The following TSHZ1 variants were observed in gnomAD, a reference collection of about 807,000 sequenced individuals.
TSHZ1 encodes teashirt homolog 1.
In TSHZ1, 12 loss-of-function variants were observed where a neutral mutation model predicts 67.1. The ratio of observed to expected loss-of-function variants is 0.18; its 90% CI spans 0.11 to 0.29. The LOEUF is 0.29. Among genes scored for constraint, TSHZ1 ranks in the 10% least tolerant of loss-of-function variants. The pLI, the probability that TSHZ1 is intolerant of heterozygous loss-of-function variation, is 1.00. For synonymous variants in TSHZ1, 632 were observed against 622.4 expected, an observed-to-expected ratio of 1.02 and a Z score of -0.23; for missense variants, 1,305 against 1,413.9, an observed-to-expected ratio of 0.92 and a Z score of 1.23.
chr18:75,280,461 T>G (rs948609816), intron 1 of TSHZ1, among the ~76,000 whole-genome samples: 1 of 152,260 alleles, frequency 6.6e-6, no homozygotes, highest in African/African-American at 2.4e-5. Context: ...TGGTCATTCA[T>G]TCATTCAAAA....
chr18:75,250,514 G>A (rs1033316697), intron 1 of TSHZ1, among the ~76,000 whole-genome samples: 22 of 152,204 alleles, frequency 1.4e-4, no homozygotes, highest in East Asian at 5.8e-4. Context: ...GGGGCGGTGC[G>A]GGCTGGCCCA....
At chr18:75,242,708 G>T (rs1215104324) in intron 1 of TSHZ1, among the ~76,000 whole-genome samples, 1 of 152,236 alleles carries the variant, frequency 6.6e-6, no homozygotes, top group African/African-American at 2.4e-5. Context: ...TAATGACAGA[G>T]ATGTGGGCAG....
rs1273373250 is a variant in TSHZ1, at chr18:75,228,878, G to A, written c.40+16962G>A. Among the ~76,000 whole-genome samples the A allele has an allele frequency of 2.0e-5, 3 of 152,344 alleles. No individual in the cohort carries two copies. In the South Asian group the frequency reaches 6.2e-4, roughly 32 times the overall value. Reference sequence around the variant, plus strand: ...ATTCACTCAGACACCAGGGAACAAGGGGCATCCCACTTTATTTCTAACGAG... The same window carrying A: ...ATTCACTCAGACACCAGGGAACAAGAGGCATCCCACTTTATTTCTAACGAG... On this transcript the variant is annotated intron_variant, in intron 1 of 1. Coordinates refer to ENST00000580243, the MANE Select transcript of TSHZ1 (RefSeq NM_001308210.2).
chr18:75,265,814 C>G (rs1017939809), intron 1 of TSHZ1, among the ~76,000 whole-genome samples: 1 of 152,142 alleles, frequency 6.6e-6, no homozygotes, highest in Admixed American at 6.6e-5. Context: ...TATTTCCCCC[C>G]CTTACTCGAA....
At chr18:75,236,472 G>C (rs1189156545) in intron 1 of TSHZ1, among the ~76,000 whole-genome samples, 2 of 152,154 alleles carry the variant, frequency 1.3e-5, no homozygotes, top group Non-Finnish European at 2.9e-5. Flanking sequence ...ACACGTTTAA[G>C]GGATGGCGTT....
chr18:75,243,022 C>T lies in TSHZ1; in HGVS notation c.40+31106C>T, dbSNP rs547254887. Among the ~76,000 whole-genome samples the T allele has an allele frequency of 2.6e-4, 40 of 152,208 alleles. No individual in the cohort carries two copies. In the South Asian group the frequency reaches 6.9e-3, roughly 26 times the overall value. On this transcript the variant is annotated intron_variant, in intron 1 of 1. Transcript: ENST00000580243. ...GCTGTGGTCATGCAGGAGAACAGCC[C>T]GGGGGATGGGGCCGGTGAGGTCTGG...
chr18:75,273,824 G>T (rs990273333), intron 1 of TSHZ1, among the ~76,000 whole-genome samples: 1 of 152,210 alleles, frequency 6.6e-6, no homozygotes, highest in Non-Finnish European at 1.5e-5. Flanking sequence ...ATTAAAGAAT[G>T]AAGTCTAACC....
At chr18:75,252,269 A>G (rs1274089623) in intron 1 of TSHZ1, among the ~76,000 whole-genome samples, 1 of 152,222 alleles carries the variant, frequency 6.6e-6, no homozygotes, top group Non-Finnish European at 1.5e-5. Context: ...TCTTGGCCAT[A>G]GTCTCATCAT....
chr18:75,287,383 C>G lies in TSHZ1; in HGVS notation c.1976C>G (p.Pro659Arg). 2 of 1,614,076 alleles carry G rather than the reference C, an allele frequency of 1.2e-6. No individual in the cohort carries two copies. Among genetic ancestry groups the G allele is most frequent in the Non-Finnish European group, 1.7e-6 (2 of 1,180,024 alleles). Residue 659 changes from proline (P) to arginine (R), a missense_variant, in exon 2 of 2, where the codon CCT (proline) becomes CGT (arginine). By Grantham distance (103) the Pro-to-Arg change is moderately radical. This residue lies in a region of TSHZ1 where 909 missense variants were observed against 961.8 expected (regional missense o/e 0.95). Coordinates refer to ENST00000580243, the MANE Select transcript of TSHZ1 (RefSeq NM_001308210.2). The surrounding 1 kb of genome is among the most constrained non-coding windows in gnomAD (Gnocchi z 5.0). Reference sequence around the variant, plus strand: ...AACATCAAGAAGGAGGAGAGACCCCCTGAGAAGGAGAAGAGCTCCCTGGCC... The same window carrying G: ...AACATCAAGAAGGAGGAGAGACCCCGTGAGAAGGAGAAGAGCTCCCTGGCC... ...KVNIKKEERP[P>R]EKEKSSLAKA...
Position 75,285,871 on chromosome 18 carries a change from C to T in TSHZ1, c.464C>T (p.Ala155Val), listed in dbSNP as rs775361847. 1.2e-5 allele frequency: 17 copies of T among 1,453,020 alleles called. No individual in the cohort carries two copies. The highest frequency in any genetic ancestry group is 3.7e-5 in the Admixed American group (2 of 53,586). The allele number at this position is 1,453,020 out of a possible 1,614,324, so 90.0% of individuals were successfully genotyped here. A position where few individuals can be genotyped will look rare whatever the true frequency, so the allele number is the denominator to read the frequency against. Reference sequence around the variant, plus strand: ...GATGCCAGCCAGAAGGAGAGCTCCGCCCCCACCCCCACACCCCCCACCTGC... The same window carrying T: ...GATGCCAGCCAGAAGGAGAGCTCCGTCCCCACCCCCACACCCCCCACCTGC... The part of the protein sequence containing the change: ...TNDASQKESS[A>V]PTPTPPTCPV... The change falls in exon 2 of 2, where the codon GCC becomes GTC. Residue 155 changes from alanine to valine, a missense_variant. Transcript: ENST00000580243.
intron 1 of TSHZ1, among the ~76,000 whole-genome samples, chr18:75,270,144 G>A (rs1672949502): frequency 2.0e-5 from 3 of 152,182 alleles, no homozygotes; most frequent in African/African-American, 7.2e-5. Context: ...TGTGTGTCAG[G>A]TTGTGTGTCC....
At chr18:75,241,493 G>A (rs951916729) in intron 1 of TSHZ1, among the ~76,000 whole-genome samples, 3 of 152,088 alleles carry the variant, frequency 2.0e-5, no homozygotes, top group African/African-American at 7.2e-5. Context: ...CGGGATGTGC[G>A]TCTGTGCCTG....
Position 75,210,901 on chromosome 18 carries a change from G to C in TSHZ1, c.-976G>C, listed in dbSNP as rs1435623282. 1 of 151,248 alleles carries C rather than the reference G, an allele frequency of 6.6e-6. No homozygotes were observed. Among genetic ancestry groups the C allele is most frequent in the East Asian group, 2.0e-4 (1 of 5,118 alleles). The allele number at this position is 151,248 out of a possible 1,614,324, so 9.4% of individuals were successfully genotyped here. On this transcript the variant is annotated 5_prime_UTR_variant, in exon 1 of 2. Coordinates refer to ENST00000580243, the MANE Select transcript of TSHZ1 (RefSeq NM_001308210.2). Reference sequence around the variant, plus strand: ...CCCTCTCTCCCAGGAGTTTGAGGGGGGGGGGGACAGTCCACGCTCATCTCG... The same window carrying C: ...CCCTCTCTCCCAGGAGTTTGAGGGGCGGGGGGACAGTCCACGCTCATCTCG...
intron 1 of TSHZ1, among the ~76,000 whole-genome samples, chr18:75,229,753 A>C (rs867211939): frequency 9.9e-5 from 15 of 152,270 alleles, no homozygotes; most frequent in Admixed American, 4.6e-4. Flanking sequence ...AACCCAAGTC[A>C]GGCAGTGGAC....
In TSHZ1 at chr18:75,286,477, A is replaced by G; in HGVS notation, c.1070A>G (p.Gln357Arg). Residue 357 changes from glutamine to arginine, a missense_variant, in exon 2 of 2, where the codon CAG becomes CGG. Gln to Arg is a conservative substitution (Grantham distance 43). Transcript: ENST00000580243. The surrounding 1 kb of genome is among the most constrained non-coding windows in gnomAD (Gnocchi z 5.1). ...LVPSTKKRALQDLAPPCSPEP... is the reference protein window; with the variant it reads ...LVPSTKKRALRDLAPPCSPEP... Reference sequence around the variant, plus strand: ...CCCTCCACCAAAAAGCGGGCGCTTCAGGACCTGGCGCCCCCCTGCTCCCCT... The same window carrying G: ...CCCTCCACCAAAAAGCGGGCGCTTCGGGACCTGGCGCCCCCCTGCTCCCCT... 6.2e-7 allele frequency: 1 copy of G among 1,614,220 alleles called. No homozygotes were observed. The highest frequency in any genetic ancestry group is 8.5e-7 in the Non-Finnish European group (1 of 1,180,032).
intron 1 of TSHZ1, among the ~76,000 whole-genome samples, chr18:75,235,675 T>C (rs2023058202): frequency 1.3e-5 from 2 of 152,216 alleles, no homozygotes; most frequent in South Asian, 4.1e-4. Flanking sequence ...AATATTAACT[T>C]CATATGAAAT....
Position 75,287,944 on chromosome 18 carries a change from A to G in TSHZ1, c.2537A>G (p.Asn846Ser). ...ALMDISDMVK[N>S]LTGRLTPKSS... ...ATGGACATCTCCGACATGGTGAAAA[A>G]CCTCACAGGCCGCCTGACGCCCAAG... The change falls in exon 2 of 2, where the codon AAC (asparagine) becomes AGC (serine). Residue 846 changes from asparagine to serine, a missense_variant. By Grantham distance (46) the Asn-to-Ser change is conservative. Transcript: ENST00000580243. The surrounding 1 kb of genome is among the most constrained non-coding windows in gnomAD (Gnocchi z 5.0). 6.2e-7 allele frequency: 1 copy of G among 1,613,848 alleles called. No individual in the cohort carries two copies. Among genetic ancestry groups the G allele is most frequent in the Non-Finnish European group, 8.5e-7 (1 of 1,179,978 alleles).
At chr18:75,223,779 C>G (rs1283495094) in intron 1 of TSHZ1, among the ~76,000 whole-genome samples, 1 of 152,092 alleles carries the variant, frequency 6.6e-6, no homozygotes. Flanking sequence ...GAGCACTAAT[C>G]AATCTTCCAG....
At position 75,285,885 on chromosome 18, in the gene TSHZ1, C is replaced by T. The variant is rs753518063; in HGVS notation, c.478C>T (p.Pro160Ser). 5 of 1,527,642 alleles carry T rather than the reference C, an allele frequency of 3.3e-6. No homozygotes were observed. Among genetic ancestry groups the T allele is most frequent in the East Asian group, 2.4e-5 (1 of 40,960 alleles). 94.6% of individuals were successfully genotyped at this position (1,527,642 alleles called of 1,614,324 possible). A position where few individuals can be genotyped will look rare whatever the true frequency, so the allele number is the denominator to read the frequency against. ...GGAGAGCTCCGCCCCCACCCCCACA[C>T]CCCCCACCTGCCCCGTCAGCACCAC... ...QKESSAPTPT[P>S]PTCPVSTTGP... Residue 160 changes from proline (P) to serine (S), a missense_variant, in exon 2 of 2, where the codon CCC becomes TCC. Pro to Ser is a moderately conservative substitution (Grantham distance 74, BLOSUM62 -1). Coordinates refer to ENST00000580243, the MANE Select transcript of TSHZ1 (RefSeq NM_001308210.2).
Sources: allele counts gnomAD v4.1 joint callset (sites outside exome capture counted in the v4.1 genomes callset), GRCh38; gene constraint gnomAD v4.1.1; regional missense constraint gnomAD v4.1.1; non-coding constraint Gnocchi (gnomAD v3.1); transcripts MANE v1.5; gene names NCBI Gene and HGNC (gene_info 2026-07-23, HGNC 2026-07-21).